The following ANK2 variants were observed in gnomAD, a reference collection of about 807,000 sequenced individuals.
The protein encoded by ANK2 is ankyrin 2.
A neutral mutation model predicts 360.5 loss-of-function variants in ANK2; 83 were observed. That is an observed-to-expected ratio of 0.23 (90% CI 0.19 to 0.28). ANK2 has a LOEUF of 0.28. Among genes scored for constraint, ANK2 ranks in the 10% least tolerant of loss-of-function variants. The probability of loss-of-function intolerance (pLI) is 1.00; values close to 1 mark genes in which losing one functional copy is unlikely to be tolerated. For missense variants in ANK2, 4,201 were observed against 4,795.7 expected (o/e 0.88, Z 3.66); for synonymous variants, 1,740 against 1,759.5 (o/e 0.99, Z 0.28).
Position 112,832,984 on chromosome 4 carries a change from T to G in ANK2, c.-40+14720T>G, listed in dbSNP as rs533167134. On this transcript the variant is annotated intron_variant, in intron 1 of 30. Transcript: ENST00000503271. ...AGGTAGCATACTATATGTTAGGACA[T>G]GGAGCTAGTACAAGTAGGTTGGAAG... Among the ~76,000 whole-genome samples, 3 of 152,324 alleles carry G rather than the reference T, an allele frequency of 2.0e-5. No homozygotes were observed. The East Asian group carries it at 5.8e-4, about 29-fold the overall frequency.
chr4:113,367,789 T>C lies in ANK2; in HGVS notation c.11256T>C (p.Asp3752=), dbSNP rs956234289. The change falls in exon 42 of 46, where the codon GAT becomes GAC. Residue 3752 remains aspartate (D), a synonymous_variant. Coordinates refer to ENST00000357077, the MANE Select transcript of ANK2 (RefSeq NM_001148.6). ...CTCACAAGGAGCAAGTTCAACAGGA[T>C]TTCTCAGGGAAAATGCAAGACCTGC... ...PQTHKEQVQQ[D]FSGKMQDLPE... is the part of the protein sequence containing the mutation. The C allele has an allele frequency of 3.1e-6, 5 of 1,614,020 alleles. No individual in the cohort carries two copies. In the African/African-American group the frequency reaches 5.3e-5, roughly 17 times the overall value.
At chr4:113,338,796 A>G (rs1469100016) in intron 31 of ANK2, among the ~76,000 whole-genome samples, 1 of 151,762 alleles carries the variant, frequency 6.6e-6, no homozygotes, top group Non-Finnish European at 1.5e-5. Flanking sequence ...TGACCCGCCC[A>G]CCTCAGCCTC....
At chr4:112,794,284 A>G in the ANK2 span, among the ~76,000 whole-genome samples, 1 of 152,218 alleles carries the variant, frequency 6.6e-6, no homozygotes, top group African/African-American at 2.4e-5. Flanking sequence ...GATGTGTATT[A>G]AGATTTTATT....
chr4:112,916,408 T>G (rs2089854992), intron 2 of ANK2, among the ~76,000 whole-genome samples: 1 of 152,226 alleles, frequency 6.6e-6, no homozygotes, highest in South Asian at 2.1e-4. Context: ...AAATCACCTT[T>G]AATGTGCATC....
intron 1 of ANK2, among the ~76,000 whole-genome samples, chr4:113,171,955 C>T (rs1003156489): frequency 2.0e-5 from 3 of 152,162 alleles, no homozygotes; most frequent in Admixed American, 2.0e-4. Flanking sequence ...TCAGGCTCTT[C>T]TTCTGGCTCC....
intron 2 of ANK2, among the ~76,000 whole-genome samples, chr4:113,031,931 G>T (rs891263828): frequency 6.6e-6 from 1 of 151,894 alleles, no homozygotes; most frequent in Non-Finnish European, 1.5e-5. Context: ...ATTCACTCAA[G>T]TTAATCATAG....
intron 2 of ANK2, among the ~76,000 whole-genome samples, chr4:112,982,910 T>C (rs2043556824): frequency 1.3e-5 from 2 of 152,218 alleles, no homozygotes; most frequent in Non-Finnish European, 2.9e-5. Flanking sequence ...ATCTGTGCAG[T>C]AGAATTCATT....
intron 1 of ANK2, among the ~76,000 whole-genome samples, chr4:113,169,476 G>T (rs182699875): frequency 5.3e-5 from 8 of 152,260 alleles, no homozygotes; most frequent in African/African-American, 1.9e-4. Context: ...TTTTTACAAA[G>T]GAATGACTGC....
At chr4:112,787,369 T>TAA in the ANK2 span, among the ~76,000 whole-genome samples, 1 of 152,200 alleles carries the variant, frequency 6.6e-6, no homozygotes, top group East Asian at 1.9e-4. Context: ...TACTTGTTCT[T>TAA]AAAATATGTT....
Position 113,365,032 on chromosome 4 carries a change from G to A in ANK2, c.10889-7G>A, listed in dbSNP as rs2154052597. 1.2e-6 allele frequency: 2 copies of A among 1,613,608 alleles called. No homozygotes were observed. Among genetic ancestry groups the A allele is most frequent in the Non-Finnish European group, 1.7e-6 (2 of 1,179,744 alleles). On this transcript the variant is annotated splice_polypyrimidine_tract_variant and splice_region_variant and intron_variant, in intron 40 of 45. Transcript: ENST00000357077. ...ACATAATAAATGCTGTTTCTCTAAT[G>A]TGTCAGATACCAACCTCGTTGAATG... is the stretch of plus-strand genomic sequence containing the variant.
At chr4:113,246,110 G>A (rs1382557610) in intron 9 of ANK2, among the ~76,000 whole-genome samples, 2 of 152,166 alleles carry the variant, frequency 1.3e-5, no homozygotes, top group Non-Finnish European at 2.9e-5. Flanking sequence ...TGTTTTTAAA[G>A]TATTATGTTT....
At position 113,175,729 on chromosome 4, in the gene ANK2, T is replaced by A. The variant is rs199927237; in HGVS notation, c.186+1212T>A. Among the ~76,000 whole-genome samples, 53 of 152,306 alleles carry A rather than the reference T, an allele frequency of 3.5e-4. 1 individual carries two copies. The East Asian group carries it at 8.1e-3, about 23-fold the overall frequency. ...CCCTATATGGCTACCAATTCCCAGA[T>A]CAGTGAGGTGGTTGTTTCAAAATCA... On this transcript the variant is annotated intron_variant, in intron 2 of 45. Coordinates refer to ENST00000357077, the MANE Select transcript of ANK2 (RefSeq NM_001148.6).
chr4:112,911,816 T>G (rs2087562454), intron 2 of ANK2, among the ~76,000 whole-genome samples: 1 of 152,224 alleles, frequency 6.6e-6, no homozygotes, highest in African/African-American at 2.4e-5. Context: ...GTTTTTAAAG[T>G]GAGTTAGCTA....
chr4:113,156,381 T>TTTTTTTTTTTTTTTG (rs2097296632), intron 1 of ANK2, among the ~76,000 whole-genome samples: 1 of 148,524 alleles, frequency 6.7e-6, no homozygotes, highest in African/African-American at 2.5e-5. Context: ...CTTTTTTTTT[T>TTTTTTTTTTTTTTTG]GTTTTTGAGA....
chr4:112,777,748 G>A, the ANK2 span, among the ~76,000 whole-genome samples: 1 of 150,888 alleles, frequency 6.6e-6, no homozygotes, highest in South Asian at 2.1e-4. Context: ...CTCCCGAGTA[G>A]CTGTAATTAC....
chr4:112,712,403 TA>T, the ANK2 span, among the ~76,000 whole-genome samples: 29,234 of 78,566 alleles, frequency 0.37, 5,191 homozygotes, highest in East Asian at 0.64. Context: ...TATATATATA[TA>T]TATTTTTTTT....
At chr4:113,112,241 A>G (rs2094371914) in intron 1 of ANK2, among the ~76,000 whole-genome samples, 1 of 152,178 alleles carries the variant, frequency 6.6e-6, no homozygotes, top group African/African-American at 2.4e-5. Context: ...TGTCAAAGAG[A>G]GCACACAAAA....
At chr4:113,343,168 T>C (rs760831782) in intron 34 of ANK2, 26 bp downstream of exon 34, 1 of 1,610,970 alleles carries the variant, frequency 6.2e-7, no homozygotes, top group East Asian at 2.2e-5. Context: ...AATTTTGTGA[T>C]GCATTTTTTT....
chr4:113,353,852 C>A lies in ANK2; in HGVS notation c.5234C>A (p.Pro1745His). The part of the protein sequence containing the change: ...ESLGEDPGLA[P>H]EPLPTVKATS... Reference sequence around the variant, plus strand: ...TTAGGTGAAGACCCAGGTTTAGCCCCTGAACCCCTTCCCACTGTCAAGGCC... The same window carrying A: ...TTAGGTGAAGACCCAGGTTTAGCCCATGAACCCCTTCCCACTGTCAAGGCC... The change falls in exon 38 of 46, where the codon CCT (proline) becomes CAT (histidine). Residue 1745 changes from proline (P) to histidine (H), a missense_variant. Physicochemically the swap from Pro to His is moderately conservative, Grantham distance 77. Coordinates refer to ENST00000357077, the MANE Select transcript of ANK2 (RefSeq NM_001148.6). 1.2e-6 allele frequency: 2 copies of A among 1,613,978 alleles called. No homozygotes were observed. The highest frequency in any genetic ancestry group is 1.7e-6 in the Non-Finnish European group (2 of 1,179,962).
Sources: gnomAD v4.1 joint callset for allele counts (sites outside exome capture counted in the v4.1 genomes callset) on GRCh38, gnomAD v4.1.1 for gene constraint, MANE v1.5 for transcripts, NCBI Gene and HGNC (gene_info 2026-07-23, HGNC 2026-07-21) for gene names.